The following COBL variants were observed in gnomAD, a reference collection of about 807,000 sequenced individuals.
The protein encoded by COBL is protein cordon-bleu.
A neutral mutation model predicts 98.8 loss-of-function variants in COBL; 51 were observed. That is an observed-to-expected ratio of 0.52 (90% CI 0.41 to 0.65). COBL has a LOEUF of 0.65. Among genes scored for constraint, COBL ranks in the 30% least tolerant of loss-of-function variants. The probability of loss-of-function intolerance (pLI) is 0.00; values close to 1 mark genes in which losing one functional copy is unlikely to be tolerated. For missense variants in COBL, 1,617 were observed against 1,617.5 expected (o/e 1.00, Z 0.01); for synonymous variants, 634 against 651.7 (o/e 0.97, Z 0.41).
At chr7:51,115,961 G>A (rs1287547729) in intron 6 of COBL, among the ~76,000 whole-genome samples, 1 of 152,032 alleles carries the variant, frequency 6.6e-6, no homozygotes, top group African/African-American at 2.4e-5. Context: ...TAATCATTAT[G>A]AAATGTCCAT....
intron 7 of COBL, among the ~76,000 whole-genome samples, chr7:51,070,633 A>T (rs1484128670): frequency 6.6e-6 from 1 of 152,244 alleles, no homozygotes; most frequent in African/African-American, 2.4e-5. Context: ...CTGCACGTGG[A>T]AACGTTTTGA....
At chr7:51,197,765 A>T (rs1329447913) in intron 2 of COBL, among the ~76,000 whole-genome samples, 2 of 152,188 alleles carry the variant, frequency 1.3e-5, no homozygotes, top group Non-Finnish European at 2.9e-5. Flanking sequence ...ACCATTATGT[A>T]ATGCCCTTCT....
At chr7:51,156,674 G>T in intron 5 of COBL, 1 of 670,816 alleles carries the variant, frequency 1.5e-6, no homozygotes, top group Non-Finnish European at 1.8e-6. Flanking sequence ...CATTTCCAAT[G>T]TACAGTCAAT....
intron 7 of COBL, among the ~76,000 whole-genome samples, chr7:51,081,503 G>C (rs1207941110): frequency 6.6e-6 from 1 of 152,200 alleles, no homozygotes; most frequent in Non-Finnish European, 1.5e-5. Flanking sequence ...AGAGATGCAG[G>C]AGGAAGCCTG....
chr7:51,064,522 A>G (rs1485191560), intron 7 of COBL: 1 of 152,234 alleles, frequency 6.6e-6, no homozygotes, highest in Non-Finnish European at 1.5e-5. Context: ...TTTAGCTTTA[A>G]AAGGGAAGGG....
intron 11 of COBL, among the ~76,000 whole-genome samples, chr7:51,026,138 C>T (rs1199775315): frequency 6.6e-6 from 1 of 152,224 alleles, no homozygotes; most frequent in African/African-American, 2.4e-5. Context: ...TCCATACTGG[C>T]TCCCAAGGAT....
intron 2 of COBL, among the ~76,000 whole-genome samples, chr7:51,205,802 GACAGCC>G (rs1791642940): frequency 6.6e-6 from 1 of 152,024 alleles, no homozygotes; most frequent in Admixed American, 6.6e-5. Flanking sequence ...GAAAATACTT[GACAGCC>G]ACATATCCAA....
chr7:51,225,240 G>A (rs1794070777), intron 1 of COBL, among the ~76,000 whole-genome samples: 1 of 152,168 alleles, frequency 6.6e-6, no homozygotes, highest in African/African-American at 2.4e-5. Flanking sequence ...ATCTGTACTC[G>A]GTTGTGAAAA....
intron 5 of COBL, among the ~76,000 whole-genome samples, chr7:51,180,674 C>T (rs955641900): frequency 6.6e-5 from 10 of 152,100 alleles, no homozygotes; most frequent in African/African-American, 2.2e-4. Flanking sequence ...TTCAATAACC[C>T]ACCTGTTATT....
intron 1 of COBL, among the ~76,000 whole-genome samples, chr7:51,299,548 C>T (rs571519072): frequency 8.5e-5 from 13 of 152,240 alleles, no homozygotes; most frequent in African/African-American, 2.9e-4. Context: ...ACCCAGTTGG[C>T]GCTCTCTAAG....
chr7:51,298,307 C>G (rs1483087524), intron 1 of COBL, among the ~76,000 whole-genome samples: 1 of 152,256 alleles, frequency 6.6e-6, no homozygotes, highest in Non-Finnish European at 1.5e-5. Flanking sequence ...CACTGCTAAG[C>G]TGCTAAGATT....
At chr7:51,206,600 T>C (rs1443785160) in intron 2 of COBL, among the ~76,000 whole-genome samples, 2 of 151,988 alleles carry the variant, frequency 1.3e-5, no homozygotes, top group African/African-American at 2.4e-5. Flanking sequence ...GTATTCACAA[T>C]AGCCAAGAAG....
chr7:51,045,065 C>T (rs79705493), intron 7 of COBL, among the ~76,000 whole-genome samples: 2 of 152,220 alleles, frequency 1.3e-5, no homozygotes, highest in Non-Finnish European at 2.9e-5. Flanking sequence ...GTTCTCTCCC[C>T]AGCTTTTGGG....
chr7:51,167,282 G>C (rs760353296), intron 5 of COBL, among the ~76,000 whole-genome samples: 9 of 152,036 alleles, frequency 5.9e-5, no homozygotes, highest in Non-Finnish European at 1.2e-4. Flanking sequence ...ACAAAAATCA[G>C]TAGCATTTCT....
In COBL at chr7:51,040,267, A is replaced by AAC. The variant is rs557914598; in HGVS notation, c.1406+3114_1406+3115dup. Among the ~76,000 whole-genome samples the AAC allele has an allele frequency of 7.8e-3, 1,177 of 150,190 alleles. 11 individuals are homozygous for AAC. The highest frequency in any genetic ancestry group is 0.025 in the South Asian group (118 of 4,734). On this transcript the variant is annotated intron_variant, in intron 8 of 12. Transcript: ENST00000265136. ...CTATGAAATCCCCCCTCCCCTCAAAAACACACACACACACACACAAAACTA... is the reference window on the plus strand; with the variant it reads ...CTATGAAATCCCCCCTCCCCTCAAAAACACACACACACACACACACAAAACTA...
At chr7:51,043,272 G>C (rs1448771662) in intron 8 of COBL, 111 bp downstream of exon 8, 3 of 1,048,000 alleles carry the variant, frequency 2.9e-6, no homozygotes, top group Non-Finnish European at 4.2e-6. Context: ...CGGGGCCCCT[G>C]GTGCAGAGCA....
chr7:51,118,357 T>C (rs1797461213), intron 6 of COBL, among the ~76,000 whole-genome samples: 1 of 151,896 alleles, frequency 6.6e-6, no homozygotes, highest in African/African-American at 2.4e-5. Flanking sequence ...GCAGGCTGTG[T>C]TTCTATCTGG....
intron 5 of COBL, among the ~76,000 whole-genome samples, chr7:51,158,903 G>A (rs369840979): frequency 1.3e-5 from 2 of 152,004 alleles, no homozygotes; most frequent in Non-Finnish European, 2.9e-5. Context: ...AAGGCACAGC[G>A]CCGGGGACAG....
intron 1 of COBL, among the ~76,000 whole-genome samples, chr7:51,296,628 G>A (rs1404176585): frequency 6.6e-6 from 1 of 152,152 alleles, no homozygotes; most frequent in Non-Finnish European, 1.5e-5. Context: ...GACTCTGAAA[G>A]TATTTTACGG....
Sources: gnomAD v4.1 joint callset for allele counts (sites outside exome capture counted in the v4.1 genomes callset) on GRCh38, gnomAD v4.1.1 for gene constraint, MANE v1.5 for transcripts, NCBI Gene and HGNC (gene_info 2026-07-23, HGNC 2026-07-21) for gene names.